Variants in CCDC73 observed in about 807,000 individuals in gnomAD.
CCDC73 encodes coiled-coil domain containing 73.
CCDC73 carries 95 observed loss-of-function variants against 116.5 expected under a neutral mutation model. That is an observed-to-expected ratio of 0.82 (90% confidence interval 0.69 to 0.97). The LOEUF is 0.97. Among genes scored for constraint, CCDC73 ranks in the 50% least tolerant of loss-of-function variants. The pLI is 0.00. For missense variants in CCDC73, 1,066 were observed against 1,206.8 expected (o/e 0.88, Z 1.73); for synonymous variants, 398 against 401.3 (o/e 0.99, Z 0.10).
chr11:32,668,101 G>C (rs1856003295), intron 9 of CCDC73, among the ~76,000 whole-genome samples: 1 of 152,186 alleles, frequency 6.6e-6, no homozygotes, highest in Non-Finnish European at 1.5e-5. Flanking sequence ...CAGTATTTGA[G>C]CATCTACCAC....
chr11:32,769,955 T>C (rs1850477825), intron 1 of CCDC73, among the ~76,000 whole-genome samples: 1 of 152,246 alleles, frequency 6.6e-6, no homozygotes, highest in Non-Finnish European at 1.5e-5. Context: ...ATTTGTATTA[T>C]GGTATCCTTT....
intron 2 of CCDC73, among the ~76,000 whole-genome samples, chr11:32,749,973 C>A (rs979858784): frequency 6.6e-6 from 1 of 151,858 alleles, no homozygotes; most frequent in African/African-American, 2.4e-5. Context: ...CGGGTTCAAG[C>A]CATTCTCCTG....
At chr11:32,829,886 G>A in the CCDC73 span, 5 of 985,392 alleles carry the variant, frequency 5.1e-6, no homozygotes, top group African/African-American at 8.7e-5. Flanking sequence ...CCGGGAGGTG[G>A]GGCGCGGCCA....
intron 7 of CCDC73, among the ~76,000 whole-genome samples, chr11:32,677,650 T>A (rs1465752676): frequency 6.6e-6 from 1 of 152,020 alleles, no homozygotes. Flanking sequence ...AGCCATTTCT[T>A]ATTGCTTAAA....
At chr11:32,727,595 C>T (rs1203545585) in intron 2 of CCDC73, among the ~76,000 whole-genome samples, 10 of 151,644 alleles carry the variant, frequency 6.6e-5, no homozygotes, top group African/African-American at 2.2e-4. Flanking sequence ...TTTTTTGAGA[C>T]GTTGTCTCGC....
chr11:32,656,683 G>A (rs1306530575), intron 9 of CCDC73, among the ~76,000 whole-genome samples: 5 of 152,170 alleles, frequency 3.3e-5, no homozygotes, highest in African/African-American at 1.2e-4. Context: ...CTGGTTTTAT[G>A]CTATAGTCTT....
At chr11:32,793,708 T>G (rs927674316) in intron 1 of CCDC73, among the ~76,000 whole-genome samples, 3 of 152,018 alleles carry the variant, frequency 2.0e-5, no homozygotes, top group Non-Finnish European at 4.4e-5. Context: ...CCTCCCGGGT[T>G]CAAGCAATTC....
At chr11:32,819,906 T>C in the CCDC73 span, among the ~76,000 whole-genome samples, 1 of 152,194 alleles carries the variant, frequency 6.6e-6, no homozygotes, top group African/African-American at 2.4e-5. Context: ...GTATAATACA[T>C]ACATATATGT....
intron 12 of CCDC73, among the ~76,000 whole-genome samples, chr11:32,648,994 CA>C (rs1481745443): frequency 1.3e-5 from 2 of 152,128 alleles, no homozygotes; most frequent in South Asian, 4.1e-4. Flanking sequence ...AGATCAGCTA[CA>C]CTAAGACCAC....
chr11:32,788,052 G>A lies in CCDC73; in HGVS notation c.-16+6561C>T, dbSNP rs141134367. 2.6e-4 allele frequency among the ~76,000 whole-genome samples: 39 copies of A among 152,242 alleles called. No homozygotes were observed. The East Asian group carries it at 6.4e-3, about 25-fold the overall frequency. ...TGTAGTAGCAAAAGTTGCCTTATCC[G>A]TTATACTGCAAATTCCTTGACCAAT... On this transcript the variant is annotated intron_variant, in intron 1 of 17. Transcript: ENST00000335185.
At chr11:32,697,670 G>A (rs975757539) in intron 6 of CCDC73, among the ~76,000 whole-genome samples, 27 of 151,796 alleles carry the variant, frequency 1.8e-4, no homozygotes, top group Non-Finnish European at 3.2e-4. Context: ...TTTTAGTAGA[G>A]ACGGGGTTTC....
chr11:32,733,797 A>T (rs1590620011), intron 2 of CCDC73, among the ~76,000 whole-genome samples: 1 of 152,216 alleles, frequency 6.6e-6, no homozygotes, highest in East Asian at 1.9e-4. Context: ...TATAGCACTA[A>T]ATGCCCACAA....
At chr11:32,759,135 T>C (rs993969272) in intron 2 of CCDC73, among the ~76,000 whole-genome samples, 16 of 152,042 alleles carry the variant, frequency 1.1e-4, no homozygotes, top group African/African-American at 3.9e-4. Context: ...CATGGTCATA[T>C]ATATGTCCTA....
At chr11:32,675,496 A>G in intron 9 of CCDC73, 69 bp downstream of exon 9, 1 of 962,208 alleles carries the variant, frequency 1.0e-6, no homozygotes, top group Non-Finnish European at 1.5e-6. Flanking sequence ...ACTGTCCTCT[A>G]GTAATAGCGC....
intron 13 of CCDC73, among the ~76,000 whole-genome samples, chr11:32,637,017 CTTTTTTTTTTTT>C: frequency 1.1e-5 from 1 of 87,960 alleles, no homozygotes; most frequent in East Asian, 2.6e-4. Context: ...TTTTCTTTTT[CTTTTTTTTTTTT>C]TTTTTTTTGA....
At chr11:32,816,178 A>G in the CCDC73 span, among the ~76,000 whole-genome samples, 1 of 152,202 alleles carries the variant, frequency 6.6e-6, no homozygotes, top group Non-Finnish European at 1.5e-5. Flanking sequence ...GTATAGATAT[A>G]TTAACCTAAA....
At chr11:32,784,032 C>G (rs2133399775) in intron 1 of CCDC73, among the ~76,000 whole-genome samples, 1 of 152,200 alleles carries the variant, frequency 6.6e-6, no homozygotes, top group African/African-American at 2.4e-5. Context: ...GTAATTAATA[C>G]ATTAAAAAGA....
chr11:32,734,056 T>A (rs907789810), intron 2 of CCDC73, among the ~76,000 whole-genome samples: 1 of 151,730 alleles, frequency 6.6e-6, no homozygotes, highest in African/African-American at 2.4e-5. Flanking sequence ...GAGAGAAGAA[T>A]CAAATAGTCG....
At position 32,730,812 on chromosome 11, in the gene CCDC73, T is replaced by C. The variant is rs923464110; in HGVS notation, c.136-12665A>G. Among the ~76,000 whole-genome samples, 3 of 152,154 alleles carry C rather than the reference T, an allele frequency of 2.0e-5. No individual in the cohort carries two copies. The East Asian group carries it at 5.8e-4, about 29-fold the overall frequency. On this transcript the variant is annotated intron_variant, in intron 2 of 17. Transcript: ENST00000335185. ...AGGGGGAGGTTCCAAGAAGGACAAA[T>C]AGGAATAGCTCCAGTCTACAGCTCC...
Sources: gnomAD v4.1 joint callset for allele counts (sites outside exome capture counted in the v4.1 genomes callset) on GRCh38, gnomAD v4.1.1 for gene constraint, MANE v1.5 for transcripts, NCBI Gene and HGNC (gene_info 2026-07-23, HGNC 2026-07-21) for gene names.